The following SPECC1 variants were observed in gnomAD, a reference collection of about 807,000 sequenced individuals.
SPECC1 encodes cytospin-B.
SPECC1 carries 62 observed loss-of-function variants against 104.1 expected under a neutral mutation model. The observed-to-expected ratio is 0.60, with a 90% CI of 0.49 to 0.74. SPECC1 has a LOEUF of 0.74. Ranked by LOEUF, SPECC1 falls within the 30% of genes least tolerant of loss-of-function variation. The probability of loss-of-function intolerance (pLI) is 0.00; values close to 1 mark genes in which losing one functional copy is unlikely to be tolerated. For synonymous variants in SPECC1, 513 were observed against 501.6 expected (o/e 1.02, Z -0.30); for missense variants, 1,306 against 1,310.5 (o/e 1.00, Z 0.05).
intron 12 of SPECC1, among the ~76,000 whole-genome samples, chr17:20,291,011 A>AT (rs1259535598): frequency 6.6e-6 from 1 of 152,216 alleles, no homozygotes; most frequent in East Asian, 1.9e-4. Context: ...GAAAAGAAGG[A>AT]TTTAGCAAGT....
chr17:20,114,854 T>C (rs764356512), intron 3 of SPECC1, among the ~76,000 whole-genome samples: 3 of 152,208 alleles, frequency 2.0e-5, no homozygotes, highest in Non-Finnish European at 4.4e-5. Flanking sequence ...ACTTCAGAAA[T>C]GAATTATTTT....
intron 12 of SPECC1, among the ~76,000 whole-genome samples, chr17:20,273,624 G>T (rs1267597568): frequency 6.6e-6 from 1 of 152,146 alleles, no homozygotes; most frequent in Admixed American, 6.5e-5. Flanking sequence ...AGCTTTGGCT[G>T]CTCTATAAAC....
chr17:20,169,153 G>C (rs574161287), intron 3 of SPECC1, among the ~76,000 whole-genome samples: 3 of 152,280 alleles, frequency 2.0e-5, no homozygotes, highest in Admixed American at 6.5e-5. Flanking sequence ...GATTATAGGC[G>C]TGAGCCACTC....
At chr17:20,102,892 A>G (rs1353844429) in intron 2 of SPECC1, among the ~76,000 whole-genome samples, 2 of 152,228 alleles carry the variant, frequency 1.3e-5, no homozygotes, top group African/African-American at 4.8e-5. Flanking sequence ...TGTTCAATGC[A>G]TACTGTGTCA....
At chr17:20,098,574 G>A (rs973474725) in intron 2 of SPECC1, among the ~76,000 whole-genome samples, 2 of 152,146 alleles carry the variant, frequency 1.3e-5, no homozygotes, top group Non-Finnish European at 2.9e-5. Flanking sequence ...GTGTGGTCTC[G>A]CTCCTCTGTG....
intron 2 of SPECC1, among the ~76,000 whole-genome samples, chr17:20,101,541 G>T (rs1421794198): frequency 6.6e-6 from 1 of 152,180 alleles, no homozygotes. Context: ...GGGTGCAGAG[G>T]CTGGGGACGT....
intron 3 of SPECC1, among the ~76,000 whole-genome samples, chr17:20,123,667 G>A (rs1024461220): frequency 1.3e-5 from 2 of 152,170 alleles, no homozygotes; most frequent in African/African-American, 4.8e-5. Context: ...ACCCAGGTCC[G>A]ACTCCAGAGT....
rs369424296 is a variant in SPECC1 at position 20,127,437 on chromosome 17, C to CTTT, written c.283+16896_283+16898dup. Among the ~76,000 whole-genome samples, 550 of 104,414 alleles carry CTTT rather than the reference C, an allele frequency of 5.3e-3. 4 individuals are homozygous for CTTT. The highest frequency in any genetic ancestry group is 9.1e-3 in the African/African-American group (260 of 28,690). The allele number at this position is 104,414 out of a possible 152,430, so 68.5% of individuals were successfully genotyped here. ...GGAGAATGTGTGGTTATCAGGTCAT[C>CTTT]TTTTTTTTTTTTTTTTTTTTTTTGA... On this transcript the variant is annotated intron_variant, in intron 3 of 14. Coordinates refer to ENST00000395527, the MANE Select transcript of SPECC1 (RefSeq NM_001243439.2).
intron 12 of SPECC1, among the ~76,000 whole-genome samples, chr17:20,296,380 A>G (rs2041351662): frequency 6.6e-6 from 1 of 152,106 alleles, no homozygotes; most frequent in Non-Finnish European, 1.5e-5. Flanking sequence ...ATTGGTCTAC[A>G]TCTCTGTTTT....
chr17:20,271,654 C>T (rs2040411428), intron 12 of SPECC1, among the ~76,000 whole-genome samples: 1 of 152,208 alleles, frequency 6.6e-6, no homozygotes, highest in Non-Finnish European at 1.5e-5. Context: ...CCTCTGACCT[C>T]TTCCATCATG....
intron 1 of SPECC1, among the ~76,000 whole-genome samples, chr17:20,062,031 G>A (rs752374162): frequency 6.6e-6 from 1 of 151,942 alleles, no homozygotes; most frequent in Admixed American, 6.6e-5. Context: ...AGGCCGAGGC[G>A]GGTGGATTAG....
At chr17:20,069,549 A>G (rs1003893667) in intron 1 of SPECC1, among the ~76,000 whole-genome samples, 4 of 152,122 alleles carry the variant, frequency 2.6e-5, no homozygotes, top group Admixed American at 6.5e-5. Flanking sequence ...TTGTTCTTTT[A>G]TATGTGGATA....
At chr17:20,101,249 C>T (rs997955692) in intron 2 of SPECC1, among the ~76,000 whole-genome samples, 1 of 152,182 alleles carries the variant, frequency 6.6e-6, no homozygotes, top group Admixed American at 6.5e-5. Context: ...ACACTGTCTT[C>T]CACAATGGTT....
intron 3 of SPECC1, among the ~76,000 whole-genome samples, chr17:20,167,012 G>A (rs144655976): frequency 0.02 from 3,058 of 151,890 alleles, 43 homozygotes; most frequent in Middle Eastern, 0.041. Flanking sequence ...TCAGGAGGCT[G>A]GGGCAGAAAA....
intron 1 of SPECC1, among the ~76,000 whole-genome samples, chr17:20,024,089 TGTTA>T (rs1379764093): frequency 6.6e-6 from 1 of 152,222 alleles, no homozygotes; most frequent in Non-Finnish European, 1.5e-5. Flanking sequence ...TTAGGACATA[TGTTA>T]GTTTAATACA....
chr17:20,195,199 T>G (rs188042878), intron 3 of SPECC1, among the ~76,000 whole-genome samples: 1 of 152,286 alleles, frequency 6.6e-6, no homozygotes, highest in Admixed American at 6.5e-5. Context: ...AGAACACCTG[T>G]TAGAGTTCTA....
chr17:20,279,421 C>T (rs902275559), intron 12 of SPECC1, among the ~76,000 whole-genome samples: 1 of 149,046 alleles, frequency 6.7e-6, no homozygotes, highest in African/African-American at 2.5e-5. Flanking sequence ...CCCCTGGGTT[C>T]AAGCGATTCT....
intron 3 of SPECC1, among the ~76,000 whole-genome samples, chr17:20,153,333 G>T (rs1411596093): frequency 1.3e-5 from 2 of 152,204 alleles, no homozygotes; most frequent in Non-Finnish European, 2.9e-5. Flanking sequence ...TGGAGCACAT[G>T]ATTATGAAGG....
rs556113093 is a variant in SPECC1 at position 20,013,947 on chromosome 17, T to C, written c.-22+4523T>C. On this transcript the variant is annotated intron_variant, in intron 1 of 14. Coordinates refer to ENST00000395527, the MANE Select transcript of SPECC1 (RefSeq NM_001243439.2). ...ACATGAACACTCTAGTACACGTCTT[T>C]TGTTGAGTGAGTGTGTGCATTTCTG... Among the ~76,000 whole-genome samples, 5 of 152,352 alleles carry C rather than the reference T, an allele frequency of 3.3e-5. No homozygotes were observed. In the East Asian group the frequency reaches 7.7e-4, roughly 23 times the overall value.
Sources: allele counts gnomAD v4.1 joint callset (sites outside exome capture counted in the v4.1 genomes callset), GRCh38; gene constraint gnomAD v4.1.1; transcripts MANE v1.5; gene names NCBI Gene and HGNC (gene_info 2026-07-23, HGNC 2026-07-21).